ANO2: variants seen among roughly 807,000 people sequenced by gnomAD.
The protein encoded by ANO2 is anoctamin 2.
Under a neutral mutation model 124.2 loss-of-function variants are expected in ANO2, and 101 were observed. That is an observed-to-expected ratio of 0.81 (90% CI 0.69 to 0.96). ANO2 has a LOEUF of 0.96. Ranked by LOEUF, ANO2 falls within the 40% of genes least tolerant of loss-of-function variation. The pLI is 0.00. For missense variants in ANO2, 1,293 were observed against 1,274.5 expected (o/e 1.01, Z -0.22); for synonymous variants, 486 against 482.5 (o/e 1.01, Z -0.09).
intron 3 of ANO2, among the ~76,000 whole-genome samples, chr12:5,873,448 T>TA (rs1937869638): frequency 6.6e-6 from 1 of 152,146 alleles, no homozygotes; most frequent in Non-Finnish European, 1.5e-5. Context: ...CTCTATGCCC[T>TA]ACTACACTCC....
intron 11 of ANO2, among the ~76,000 whole-genome samples, chr12:5,749,512 G>C (rs1343398742): frequency 6.6e-6 from 1 of 152,242 alleles, no homozygotes; most frequent in African/African-American, 2.4e-5. Flanking sequence ...TCAGAGGCAG[G>C]AGATAAATGG....
At chr12:5,701,913 C>A (rs1460921177) in intron 14 of ANO2, among the ~76,000 whole-genome samples, 1 of 152,178 alleles carries the variant, frequency 6.6e-6, no homozygotes, top group Non-Finnish European at 1.5e-5. Flanking sequence ...CACCCAAATA[C>A]AACAGCAGCT....
intron 3 of ANO2, among the ~76,000 whole-genome samples, chr12:5,872,239 G>C (rs7306990): frequency 0.1 from 15,887 of 152,122 alleles, 2,185 homozygotes; most frequent in African/African-American, 0.32. Flanking sequence ...GGCATCCAGA[G>C]AGCAAGTACC....
intron 12 of ANO2, among the ~76,000 whole-genome samples, chr12:5,742,692 A>C (rs1464251191): frequency 6.6e-6 from 1 of 152,240 alleles, no homozygotes; most frequent in Non-Finnish European, 1.5e-5. Context: ...CAATGGTGGT[A>C]ATATCTGCAA....
intron 15 of ANO2, among the ~76,000 whole-genome samples, chr12:5,643,814 A>G (rs984711936): frequency 2.0e-5 from 3 of 152,150 alleles, no homozygotes; most frequent in Non-Finnish European, 4.4e-5. Flanking sequence ...TTATAGGCTC[A>G]TTGGCCATTT....
chr12:5,785,324 C>T (rs1429794617), intron 10 of ANO2, among the ~76,000 whole-genome samples: 1 of 152,024 alleles, frequency 6.6e-6, no homozygotes, highest in Non-Finnish European at 1.5e-5. Flanking sequence ...GCTACAAAGC[C>T]TGAGGATAAA....
Position 5,750,827 on chromosome 12 carries a change from C to G in ANO2, c.1190+9G>C, listed in dbSNP as rs1951411161. 1.2e-6 allele frequency: 2 copies of G among 1,606,608 alleles called. No homozygotes were observed. The highest frequency in any genetic ancestry group is 2.7e-5 in the African/African-American group (2 of 74,456). The stretch of plus-strand genomic sequence containing the variant: ...GGCAACTGAGCCCTTTTCTTTAAAA[C>G]TGATTTACCTGGGAATATCTTCTTC... On this transcript the variant is annotated intron_variant, in intron 11 of 24. Coordinates refer to ENST00000682330, the MANE Select transcript of ANO2 (RefSeq NM_001364791.2).
At chr12:5,883,863 T>A (rs1938693827) in intron 3 of ANO2, among the ~76,000 whole-genome samples, 1 of 152,224 alleles carries the variant, frequency 6.6e-6, no homozygotes. Flanking sequence ...ATTGTTATAA[T>A]TGCTAACATT....
At position 5,624,943 on chromosome 12, in the gene ANO2, G is replaced by A. The variant is rs1591763053; in HGVS notation, c.1817-9646C>T. ...CAGGGGCTGGGGAGAGCTCTAGGGG[G>A]ACGCATCAGCCTGGGCAAAGTCTTG... On this transcript the variant is annotated intron_variant, in intron 16 of 24. Coordinates refer to ENST00000682330, the MANE Select transcript of ANO2 (RefSeq NM_001364791.2). 2.0e-5 allele frequency among the ~76,000 whole-genome samples: 3 copies of A among 152,250 alleles called. No homozygotes were observed. In the South Asian group the frequency reaches 6.2e-4, roughly 32 times the overall value.
At chr12:5,620,204 T>C (rs2136916986) in intron 16 of ANO2, among the ~76,000 whole-genome samples, 1 of 152,300 alleles carries the variant, frequency 6.6e-6, no homozygotes, top group South Asian at 2.1e-4. Context: ...CTGCAGTAAT[T>C]CAGAGAGGAA....
rs1953521543 is a variant in ANO2, at chr12:5,814,086, G to A, written c.893-6718C>T. ...CTCTGGCTTCCTACTGCCATCAGCAGTATTGAGACCCCTGGCCTTCTGCCT... is the reference window on the plus strand; with the variant it reads ...CTCTGGCTTCCTACTGCCATCAGCAATATTGAGACCCCTGGCCTTCTGCCT... On this transcript the variant is annotated intron_variant, in intron 7 of 24. Transcript: ENST00000682330. 4.6e-5 allele frequency among the ~76,000 whole-genome samples: 7 copies of A among 152,332 alleles called. No homozygotes were observed. The South Asian group carries it at 1.5e-3, about 32-fold the overall frequency.
At chr12:5,644,388 T>G (rs554648032) in intron 15 of ANO2, among the ~76,000 whole-genome samples, 1 of 152,360 alleles carries the variant, frequency 6.6e-6, no homozygotes, top group East Asian at 1.9e-4. Flanking sequence ...ATTATCTTAC[T>G]CATTGTAGTT....
chr12:5,748,152 G>A (rs1454697297), intron 11 of ANO2, among the ~76,000 whole-genome samples: 1 of 152,228 alleles, frequency 6.6e-6, no homozygotes, highest in Non-Finnish European at 1.5e-5. Context: ...TCTGTGCATA[G>A]ACGTCTATCG....
intron 1 of ANO2, among the ~76,000 whole-genome samples, chr12:5,936,446 C>A (rs968526304): frequency 6.6e-6 from 1 of 152,110 alleles, no homozygotes; most frequent in Non-Finnish European, 1.5e-5. Context: ...TATAAAAGGG[C>A]TCAAAGGAAC....
rs1312349590 is a variant in ANO2 at position 5,610,272 on chromosome 12, T to A, written c.2087+2384A>T. Among the ~76,000 whole-genome samples the A allele has an allele frequency of 8.3e-5, 10 of 121,126 alleles. No homozygotes were observed. In the East Asian group the frequency reaches 2.3e-3, roughly 28 times the overall value. 79.5% of individuals were successfully genotyped at this position (121,126 alleles called of 152,430 possible). On this transcript the variant is annotated intron_variant, in intron 19 of 24. Coordinates refer to ENST00000682330, the MANE Select transcript of ANO2 (RefSeq NM_001364791.2). ...ATATATTTATACATAAATATATAAA[T>A]GCATATATTTATACATAAATATATA...
At chr12:5,743,171 TCTC>T (rs897156899) in intron 12 of ANO2, among the ~76,000 whole-genome samples, 6 of 151,708 alleles carry the variant, frequency 4.0e-5, no homozygotes, top group Non-Finnish European at 8.8e-5. Flanking sequence ...CTCTCCTCCT[TCTC>T]CTCATACGCT....
intron 23 of ANO2, among the ~76,000 whole-genome samples, chr12:5,573,870 T>C (rs1942262219): frequency 6.6e-6 from 1 of 152,238 alleles, no homozygotes; most frequent in South Asian, 2.1e-4. Context: ...ATTTAAACCA[T>C]AGATTGGTAC....
chr12:5,865,127 A>C (rs1368101283), intron 3 of ANO2, among the ~76,000 whole-genome samples: 1 of 152,214 alleles, frequency 6.6e-6, no homozygotes, highest in Non-Finnish European at 1.5e-5. Context: ...GCCTTCTCTT[A>C]GCAGTGACTC....
intron 20 of ANO2, among the ~76,000 whole-genome samples, chr12:5,585,672 G>C (rs1333951726): frequency 6.6e-6 from 1 of 152,202 alleles, no homozygotes; most frequent in Non-Finnish European, 1.5e-5. Flanking sequence ...CAAGATGGGA[G>C]TGTGAAGGAC....
Sources: allele counts gnomAD v4.1 joint callset (sites outside exome capture counted in the v4.1 genomes callset), GRCh38; gene constraint gnomAD v4.1.1; transcripts MANE v1.5; gene names NCBI Gene and HGNC (gene_info 2026-07-23, HGNC 2026-07-21).